NELL1: variants seen among roughly 807,000 people sequenced by gnomAD.
NELL1 encodes the protein neural EGFL like 1, also known as protein kinase C-binding protein NELL1.
In NELL1, 76 loss-of-function variants were observed where a neutral mutation model predicts 107.4. The ratio of observed to expected loss-of-function variants is 0.71; its 90% CI spans 0.59 to 0.86. NELL1 has a LOEUF of 0.86. NELL1 is among the 40% of genes least tolerant of loss of function. The pLI is 0.00. For synonymous variants in NELL1, 353 were observed against 341.2 expected (o/e 1.03, Z -0.38); for missense variants, 1,024 against 1,005.5 (o/e 1.02, Z -0.25).
Position 21,124,968 on chromosome 11 carries a change from A to G in NELL1, c.1426+11254A>G, listed in dbSNP as rs541154864. 2.6e-4 allele frequency among the ~76,000 whole-genome samples: 39 copies of G among 152,182 alleles called. No homozygotes were observed. The South Asian group carries it at 7.7e-3, about 30-fold the overall frequency. ...GAGAAATCTTCCTGGGGTCTCCTTTATAAGGGCACTAATAACCTAATCACT... is the reference window on the plus strand; with the variant it reads ...GAGAAATCTTCCTGGGGTCTCCTTTGTAAGGGCACTAATAACCTAATCACT... On this transcript the variant is annotated intron_variant, in intron 13 of 19. Transcript: ENST00000357134.
chr11:20,695,455 A>G (rs944696129), intron 2 of NELL1, among the ~76,000 whole-genome samples: 2 of 151,986 alleles, frequency 1.3e-5, no homozygotes, highest in Non-Finnish European at 2.9e-5. Flanking sequence ...TATTATTTTG[A>G]GGTATGTTCC....
chr11:20,780,288 A>G (rs1446179575), intron 2 of NELL1, among the ~76,000 whole-genome samples: 1 of 152,226 alleles, frequency 6.6e-6, no homozygotes, highest in African/African-American at 2.4e-5. Context: ...TTTATTTAGC[A>G]CCAAACATCA....
At chr11:21,110,243 A>C (rs935565124) in intron 12 of NELL1, among the ~76,000 whole-genome samples, 5 of 152,134 alleles carry the variant, frequency 3.3e-5, no homozygotes, top group African/African-American at 1.2e-4. Context: ...AAGAGCTGAA[A>C]TTAATAATGG....
intron 8 of NELL1, among the ~76,000 whole-genome samples, 175 bp from the exon 9 acceptor site, chr11:20,928,202 A>T (rs1850540695): frequency 6.6e-6 from 1 of 152,200 alleles, no homozygotes; most frequent in African/African-American, 2.4e-5. Context: ...TTGAGGTGGT[A>T]CAGGTCATTC....
rs1850322 is a variant in NELL1 at position 21,058,495 on chromosome 11, T to G, written c.1301-55094T>G. On this transcript the variant is annotated intron_variant, in intron 12 of 19. Coordinates refer to ENST00000357134, the MANE Select transcript of NELL1 (RefSeq NM_006157.5). ...CATTTCTTGTTTCACACTGTGCATT[T>G]AGATGTATTATGGAAATGGGGTGGG... 4.7e-3 allele frequency among the ~76,000 whole-genome samples: 710 copies of G among 152,278 alleles called. 1 individual carries two copies. The highest frequency in any genetic ancestry group is 7.3e-3 in the Non-Finnish European group (493 of 67,986).
At position 21,458,943 on chromosome 11, in the gene NELL1, T is replaced by C. The variant is rs1033890872; in HGVS notation, c.1646-75431T>C. Among the ~76,000 whole-genome samples the C allele has an allele frequency of 4.8e-5, 6 of 124,834 alleles. No individual in the cohort carries two copies. In the Admixed American group the frequency reaches 4.9e-4, roughly 10 times the overall value. The allele number at this position is 124,834 out of a possible 152,430, so 81.9% of individuals were successfully genotyped here. A position where few individuals can be genotyped will look rare whatever the true frequency, so the allele number is the denominator to read the frequency against. The stretch of plus-strand genomic sequence containing the variant: ...CAATATTAATATTTAGAGATAATTT[T>C]GTGTCAGTTTTTATTCCATGTTTTT... On this transcript the variant is annotated intron_variant, in intron 15 of 19. Transcript: ENST00000357134.
intron 12 of NELL1, among the ~76,000 whole-genome samples, chr11:21,078,000 C>T (rs1854181004): frequency 6.6e-6 from 1 of 152,028 alleles, no homozygotes; most frequent in South Asian, 2.1e-4. Flanking sequence ...ATACATTCAT[C>T]TGTAGAACAC....
At chr11:20,711,195 C>G (rs1590225337) in intron 2 of NELL1, among the ~76,000 whole-genome samples, 1 of 152,116 alleles carries the variant, frequency 6.6e-6, no homozygotes, top group Non-Finnish European at 1.5e-5. Flanking sequence ...ACCACTTTTG[C>G]TGTATCCCAG....
chr11:21,387,087 A>G (rs897326167), intron 15 of NELL1, among the ~76,000 whole-genome samples: 3 of 151,778 alleles, frequency 2.0e-5, no homozygotes, highest in Non-Finnish European at 4.4e-5. Flanking sequence ...CATATCAGCA[A>G]TACCTCAGGG....
chr11:21,352,709 G>A (rs1173154427), intron 14 of NELL1, among the ~76,000 whole-genome samples: 4 of 152,016 alleles, frequency 2.6e-5, no homozygotes, highest in Non-Finnish European at 4.4e-5. Flanking sequence ...ATCCCCCATA[G>A]GCTAGTTTCT....
chr11:20,847,189 T>G (rs1848715362), intron 3 of NELL1, among the ~76,000 whole-genome samples: 1 of 152,194 alleles, frequency 6.6e-6, no homozygotes, highest in African/African-American at 2.4e-5. Flanking sequence ...CCTTTAATTC[T>G]TGAAAAGGTA....
chr11:20,706,796 T>C (rs1854972960), intron 2 of NELL1, among the ~76,000 whole-genome samples: 2 of 152,224 alleles, frequency 1.3e-5, no homozygotes, highest in Admixed American at 6.5e-5. Context: ...CCTTTCTCTC[T>C]GGCTGTCCTT....
chr11:21,363,327 C>A (rs995784711), intron 14 of NELL1, among the ~76,000 whole-genome samples: 1 of 152,198 alleles, frequency 6.6e-6, no homozygotes, highest in African/African-American at 2.4e-5. Flanking sequence ...ACTCCCTAAA[C>A]CCATTTCATC....
intron 15 of NELL1, among the ~76,000 whole-genome samples, chr11:21,398,482 G>A (rs979313757): frequency 1.5e-4 from 23 of 151,796 alleles, no homozygotes; most frequent in African/African-American, 5.3e-4. Flanking sequence ...TTGTCTTGGT[G>A]AGAAAAAAGA....
chr11:21,064,262 G>A (rs1853814703), intron 12 of NELL1, among the ~76,000 whole-genome samples: 1 of 152,116 alleles, frequency 6.6e-6, no homozygotes, highest in African/African-American at 2.4e-5. Context: ...TCCATTTGGA[G>A]AATGGCACTA....
In NELL1 at chr11:20,919,282, T is replaced by C; in HGVS notation, c.707T>C (p.Leu236Pro). The change falls in exon 7 of 20, where the codon CTG becomes CCG. Residue 236 changes from leucine (L) to proline (P), a missense_variant. Coordinates refer to ENST00000357134, the MANE Select transcript of NELL1 (RefSeq NM_006157.5). ...TCPTCSDFLS[L>P]VQGIMDLQEL... Reference sequence around the variant, plus strand: ...CCAACCTGCAGTGATTTCTTAAGCCTGGTGCAAGGAATAATGGATTTACAA... The same window carrying C: ...CCAACCTGCAGTGATTTCTTAAGCCCGGTGCAAGGAATAATGGATTTACAA... The C allele has an allele frequency of 6.2e-7, 1 of 1,606,490 alleles. No homozygotes were observed. Among genetic ancestry groups the C allele is most frequent in the South Asian group, 1.1e-5 (1 of 89,638 alleles).
At chr11:20,789,214 C>G (rs539213677) in intron 3 of NELL1, among the ~76,000 whole-genome samples, 8 of 152,296 alleles carry the variant, frequency 5.3e-5, no homozygotes, top group Non-Finnish European at 7.3e-5. Flanking sequence ...TGGTACTGGC[C>G]TAGGTGTCAT....
intron 16 of NELL1, among the ~76,000 whole-genome samples, chr11:21,545,540 A>G (rs1443633586): frequency 6.6e-6 from 1 of 152,026 alleles, no homozygotes; most frequent in Non-Finnish European, 1.5e-5. Flanking sequence ...TTATGGTTTT[A>G]GGGTCCTTTC....
intron 5 of NELL1, among the ~76,000 whole-genome samples, chr11:20,916,826 C>T (rs1850268686): frequency 6.6e-6 from 1 of 151,836 alleles, no homozygotes; most frequent in African/African-American, 2.4e-5. Context: ...GTTTCATTGA[C>T]CTAGAACATG....
Sources: allele counts gnomAD v4.1 joint callset (sites outside exome capture counted in the v4.1 genomes callset), GRCh38; gene constraint gnomAD v4.1.1; transcripts MANE v1.5; gene names NCBI Gene and HGNC (gene_info 2026-07-23, HGNC 2026-07-21).